Variants in AKAP19 observed in about 807,000 individuals in gnomAD.
The protein encoded by AKAP19 is A-kinase anchoring protein 19.
the AKAP19 span, among the ~76,000 whole-genome samples, chr2:189,989,432 T>G: frequency 2.0e-5 from 3 of 151,460 alleles, no homozygotes; most frequent in Admixed American, 6.6e-5. Flanking sequence ...ACAGAAAGAT[T>G]AAAAATTAAA....
chr2:189,934,001 A>G, the AKAP19 span, among the ~76,000 whole-genome samples: 6 of 152,252 alleles, frequency 3.9e-5, no homozygotes, highest in South Asian at 1.2e-3. Flanking sequence ...AACATTTGCC[A>G]CACATTTATC....
At chr2:189,973,508 T>G in the AKAP19 span, among the ~76,000 whole-genome samples, 19 of 152,224 alleles carry the variant, frequency 1.2e-4, no homozygotes, top group African/African-American at 4.1e-4. Context: ...TAAAATGAGT[T>G]AGGGAGGATT....
the AKAP19 span, among the ~76,000 whole-genome samples, chr2:189,911,388 C>G: frequency 6.6e-6 from 1 of 152,118 alleles, no homozygotes; most frequent in East Asian, 1.9e-4. Flanking sequence ...AAGGGGATTT[C>G]TAGATTTTAC....
chr2:190,017,060 T>C, the AKAP19 span, among the ~76,000 whole-genome samples: 5 of 152,206 alleles, frequency 3.3e-5, no homozygotes, highest in Non-Finnish European at 7.4e-5. Context: ...TTCTTACAGT[T>C]TGACTTGAAG....
chr2:189,928,901 A>G, the AKAP19 span, among the ~76,000 whole-genome samples: 1 of 152,140 alleles, frequency 6.6e-6, no homozygotes, highest in Non-Finnish European at 1.5e-5. Context: ...CTTTACTGTT[A>G]TGTCACTGAA....
At chr2:189,959,131 A>G in the AKAP19 span, among the ~76,000 whole-genome samples, 1 of 152,082 alleles carries the variant, frequency 6.6e-6, no homozygotes, top group East Asian at 1.9e-4. Context: ...CATATGTTAT[A>G]TACTTTATAA....
the AKAP19 span, among the ~76,000 whole-genome samples, chr2:190,084,097 T>TTG: frequency 1.3e-5 from 2 of 150,248 alleles, no homozygotes; most frequent in Admixed American, 6.6e-5. Flanking sequence ...CAGGTTTTTT[T>TTG]TTTTTTTTTT....
the AKAP19 span, among the ~76,000 whole-genome samples, chr2:189,903,890 G>A: frequency 2.0e-5 from 3 of 151,856 alleles, no homozygotes; most frequent in African/African-American, 4.8e-5. Context: ...GAGAACATGT[G>A]GTATGTGGTT....
the AKAP19 span, chr2:189,930,647 G>A: frequency 8.8e-6 from 3 of 341,078 alleles, no homozygotes; most frequent in Middle Eastern, 3.9e-4. Context: ...CTGCACTCCA[G>A]CCTGGGTGAC....
the AKAP19 span, among the ~76,000 whole-genome samples, chr2:190,017,558 C>T: frequency 0.012 from 1,796 of 152,168 alleles, 33 homozygotes; most frequent in African/African-American, 0.041. Context: ...TACTCCCCTC[C>T]GCCATTTTAC....
the AKAP19 span, among the ~76,000 whole-genome samples, chr2:190,009,659 C>G: frequency 6.6e-6 from 1 of 152,032 alleles, no homozygotes; most frequent in East Asian, 1.9e-4. Flanking sequence ...ATAATCAAGT[C>G]TGGGGTTTAG....
the AKAP19 span, among the ~76,000 whole-genome samples, chr2:190,082,760 ACT>A: frequency 6.6e-6 from 1 of 152,210 alleles, no homozygotes; most frequent in African/African-American, 2.4e-5. Context: ...CTTATCAAAG[ACT>A]AAACATGGTA....
At chr2:189,963,200 T>TC in the AKAP19 span, among the ~76,000 whole-genome samples, 1 of 6,320 alleles carries the variant, frequency 1.6e-4, no homozygotes, top group African/African-American at 1.7e-4. Context: ...TTCACTTCTC[T>TC]TTTTTTTTTT....
At chr2:189,942,122 A>C in the AKAP19 span, among the ~76,000 whole-genome samples, 19 of 152,166 alleles carry the variant, frequency 1.2e-4, no homozygotes, top group South Asian at 2.1e-4. Flanking sequence ...CCCAAATCTC[A>C]TGTTGAATTA....
chr2:189,949,072 G>A, the AKAP19 span, among the ~76,000 whole-genome samples: 2 of 152,206 alleles, frequency 1.3e-5, no homozygotes, highest in East Asian at 3.9e-4. Flanking sequence ...ATTGGTTCCA[G>A]GGCATCCCCC....
the AKAP19 span, among the ~76,000 whole-genome samples, chr2:190,101,020 G>A: frequency 9.9e-3 from 1,506 of 152,316 alleles, 17 homozygotes; most frequent in Middle Eastern, 0.054. Flanking sequence ...GGAGAGGCTT[G>A]GAGATGCTAT....
the AKAP19 span, among the ~76,000 whole-genome samples, chr2:190,071,514 G>A: frequency 1.3e-5 from 2 of 152,114 alleles, no homozygotes; most frequent in Admixed American, 1.3e-4. Flanking sequence ...GCCTACCTAT[G>A]CAGTAGATTA....
chr2:190,150,519 T>C, the AKAP19 span: 1 of 152,092 alleles, frequency 6.6e-6, no homozygotes, highest in Non-Finnish European at 1.5e-5. Context: ...GAAAGGAGGG[T>C]CTCCCTTTCC....
At chr2:190,163,645 C>T in the AKAP19 span, among the ~76,000 whole-genome samples, 1 of 152,028 alleles carries the variant, frequency 6.6e-6, no homozygotes, top group Non-Finnish European at 1.5e-5. Flanking sequence ...ATCATTTCTG[C>T]CATTTGAGTG....
Sources: gnomAD v4.1 joint callset for allele counts (sites outside exome capture counted in the v4.1 genomes callset) on GRCh38, gnomAD v4.1.1 for gene constraint, MANE v1.5 for transcripts, NCBI Gene and HGNC (gene_info 2026-07-23, HGNC 2026-07-21) for gene names.